Variants in FUT9 observed in about 807,000 individuals in gnomAD.
FUT9 encodes 4-galactosyl-N-acetylglucosaminide 3-alpha-L-fucosyltransferase 9.
Under a neutral mutation model 29.7 loss-of-function variants are expected in FUT9, and 15 were observed. That is an observed-to-expected ratio of 0.51 (90% CI 0.34 to 0.78). FUT9 has a LOEUF of 0.78. FUT9 is among the 30% of genes least tolerant of loss of function. The pLI, the probability that FUT9 is intolerant of heterozygous loss-of-function variation, is 0.01. For synonymous variants in FUT9, 169 were observed against 153.7 expected (o/e 1.10, Z -0.74); for missense variants, 319 against 425.4 (o/e 0.75, Z 2.20).
intron 2 of FUT9, among the ~76,000 whole-genome samples, chr6:96,194,466 A>G (rs1773582470): frequency 6.6e-6 from 1 of 152,140 alleles, no homozygotes; most frequent in African/African-American, 2.4e-5. Flanking sequence ...TCCGTCTTCC[A>G]TACAAGAATT....
At chr6:96,067,716 T>C (rs1317763818) in intron 1 of FUT9, among the ~76,000 whole-genome samples, 1 of 152,164 alleles carries the variant, frequency 6.6e-6, no homozygotes, top group Non-Finnish European at 1.5e-5. Flanking sequence ...GTTGGAAGTA[T>C]AGAATTGTGG....
At chr6:96,135,970 T>C (rs914520032) in intron 2 of FUT9, among the ~76,000 whole-genome samples, 1 of 150,838 alleles carries the variant, frequency 6.6e-6, no homozygotes, top group Non-Finnish European at 1.5e-5. Flanking sequence ...ATATCTAGTA[T>C]AGCCTGAATC....
intron 2 of FUT9, among the ~76,000 whole-genome samples, chr6:96,131,380 G>C (rs1291497881): frequency 6.6e-6 from 1 of 151,808 alleles, no homozygotes; most frequent in Non-Finnish European, 1.5e-5. Context: ...TATTGTAAGT[G>C]GTTGCCAGCA....
intron 1 of FUT9, among the ~76,000 whole-genome samples, chr6:96,045,776 A>T (rs530384557): frequency 4.6e-5 from 7 of 152,178 alleles, no homozygotes; most frequent in African/African-American, 7.2e-5. Context: ...GGAAGTTATC[A>T]CCATGCTGCA....
chr6:96,114,680 T>C (rs1771878164), intron 2 of FUT9, among the ~76,000 whole-genome samples: 1 of 151,946 alleles, frequency 6.6e-6, no homozygotes, highest in African/African-American at 2.4e-5. Flanking sequence ...AAAGTAGTCT[T>C]TGTACAGATA....
intron 1 of FUT9, among the ~76,000 whole-genome samples, chr6:96,050,059 G>C (rs1391268650): frequency 6.6e-6 from 1 of 152,000 alleles, no homozygotes; most frequent in African/African-American, 2.4e-5. Context: ...GTGCAAACAG[G>C]GTTGCAAGGA....
At chr6:96,112,725 A>G (rs1383810109) in intron 1 of FUT9, among the ~76,000 whole-genome samples, 1 of 152,214 alleles carries the variant, frequency 6.6e-6, no homozygotes, top group Admixed American at 6.5e-5. Context: ...ATTTTCGGTT[A>G]GTTCTAAGTG....
chr6:96,080,240 AATGAC>A (rs755745097), intron 1 of FUT9, among the ~76,000 whole-genome samples: 72 of 152,078 alleles, frequency 4.7e-4, no homozygotes, highest in South Asian at 8.3e-4. Context: ...AGCCAGAAAG[AATGAC>A]ATAATAATTT....
intron 1 of FUT9, among the ~76,000 whole-genome samples, chr6:96,046,014 T>C (rs1189361257): frequency 3.3e-5 from 5 of 152,204 alleles, no homozygotes; most frequent in African/African-American, 1.2e-4. Context: ...AGTAAATCAG[T>C]AGATTCAGCT....
intron 2 of FUT9, among the ~76,000 whole-genome samples, chr6:96,117,816 T>A (rs1433193857): frequency 6.6e-6 from 1 of 152,222 alleles, no homozygotes; most frequent in Admixed American, 6.5e-5. Context: ...TTAATTTAAA[T>A]AAAATTCTGG....
chr6:96,132,183 TG>T (rs1447463973), intron 2 of FUT9, among the ~76,000 whole-genome samples: 2 of 150,192 alleles, frequency 1.3e-5, no homozygotes, highest in Non-Finnish European at 3.0e-5. Context: ...TGATATTATT[TG>T]TTTTTTTAAT....
intron 2 of FUT9, among the ~76,000 whole-genome samples, chr6:96,198,734 G>A (rs1773675580): frequency 1.3e-5 from 2 of 152,110 alleles, no homozygotes; most frequent in South Asian, 4.1e-4. Context: ...AGTCCCACCA[G>A]CAGTGTAAAA....
At chr6:96,172,674 C>T (rs1193106922) in intron 2 of FUT9, among the ~76,000 whole-genome samples, 3 of 151,642 alleles carry the variant, frequency 2.0e-5, no homozygotes, top group African/African-American at 7.3e-5. Flanking sequence ...ACTGGACAAA[C>T]ACTAAAAGTT....
At chr6:96,146,784 A>G (rs1772575593) in intron 2 of FUT9, among the ~76,000 whole-genome samples, 1 of 152,198 alleles carries the variant, frequency 6.6e-6, no homozygotes, top group Admixed American at 6.5e-5. Context: ...AATTTATTTC[A>G]AAAGATGAAT....
At chr6:96,168,077 A>G (rs1001515411) in intron 2 of FUT9, among the ~76,000 whole-genome samples, 1 of 152,248 alleles carries the variant, frequency 6.6e-6, no homozygotes, top group Non-Finnish European at 1.5e-5. Flanking sequence ...TGAAATTGCC[A>G]TCAGGTAAGA....
At chr6:96,182,950 A>AG (rs1230513857) in intron 2 of FUT9, among the ~76,000 whole-genome samples, 1 of 151,940 alleles carries the variant, frequency 6.6e-6, no homozygotes, top group Non-Finnish European at 1.5e-5. Context: ...TATGAATTTT[A>AG]GGATTTTTTT....
chr6:96,118,964 GTGTT>G (rs1185016762), intron 2 of FUT9, among the ~76,000 whole-genome samples: 1 of 152,106 alleles, frequency 6.6e-6, no homozygotes, highest in East Asian at 1.9e-4. Context: ...GCTATACAAT[GTGTT>G]TGTGTTTTAA....
At chr6:96,072,774 T>G (rs1182844881) in intron 1 of FUT9, among the ~76,000 whole-genome samples, 1 of 152,206 alleles carries the variant, frequency 6.6e-6, no homozygotes, top group Non-Finnish European at 1.5e-5. Flanking sequence ...CTGAAGTACT[T>G]TGATGTTAAT....
intron 2 of FUT9, among the ~76,000 whole-genome samples, chr6:96,119,382 G>A (rs1397645498): frequency 2.0e-5 from 3 of 152,140 alleles, no homozygotes; most frequent in Non-Finnish European, 2.9e-5. Flanking sequence ...AGAAACAATA[G>A]CCTAAGTGTG....
Sources: allele counts gnomAD v4.1 joint callset (sites outside exome capture counted in the v4.1 genomes callset), GRCh38; gene constraint gnomAD v4.1.1; transcripts MANE v1.5; gene names NCBI Gene and HGNC (gene_info 2026-07-23, HGNC 2026-07-21).